The following UBE2U variants were observed in gnomAD, a reference collection of about 807,000 sequenced individuals.
The protein encoded by UBE2U is ubiquitin conjugating enzyme E2 U.
In UBE2U, 39 loss-of-function variants were observed where a neutral mutation model predicts 41.2. The ratio of observed to expected loss-of-function variants is 0.95; its 90% CI spans 0.73 to 1.24. UBE2U has a LOEUF of 1.24. Among genes scored for constraint, UBE2U ranks in the 50% most tolerant of loss-of-function variants. UBE2U has a pLI of 0.00. For missense variants in UBE2U, 336 were observed against 363.1 expected, an observed-to-expected ratio of 0.93 and a Z score of 0.61; for synonymous variants, 107 against 117.8, an observed-to-expected ratio of 0.91 and a Z score of 0.60.
intron 8 of UBE2U, among the ~76,000 whole-genome samples, chr1:64,254,557 C>G (rs546830081): frequency 1.3e-5 from 2 of 152,274 alleles, no homozygotes; most frequent in African/African-American, 4.8e-5. Context: ...AACAGACTTT[C>G]AGACCACAGC....
chr1:64,263,813 T>C (rs766521539), intron 9 of UBE2U, among the ~76,000 whole-genome samples: 4 of 152,176 alleles, frequency 2.6e-5, no homozygotes, highest in African/African-American at 4.8e-5. Flanking sequence ...TCCTCAGATA[T>C]GGCATTTTCA....
rs1042802963 is a variant in UBE2U, at chr1:64,234,954, A to C, written c.595+2305A>C. Among the ~76,000 whole-genome samples the C allele has an allele frequency of 3.3e-5, 5 of 152,282 alleles. No individual in the cohort carries two copies. In the East Asian group the frequency reaches 9.7e-4, roughly 29 times the overall value. On this transcript the variant is annotated intron_variant, in intron 7 of 9. Transcript: ENST00000371077. ...AGAGTCAAACTCCTTCCACCAAAAA[A>C]CAGATTGTTACAGGAGGGTGCTTTC...
chr1:64,264,354 C>T (rs1362501516), intron 9 of UBE2U, among the ~76,000 whole-genome samples: 3 of 152,178 alleles, frequency 2.0e-5, no homozygotes, highest in Non-Finnish European at 2.9e-5. Flanking sequence ...AAAATCCCCA[C>T]CTTTATTACT....
At chr1:64,258,049 A>G (rs1325344219) in intron 8 of UBE2U, among the ~76,000 whole-genome samples, 1 of 152,240 alleles carries the variant, frequency 6.6e-6, no homozygotes, top group Non-Finnish European at 1.5e-5. Context: ...AATGTCAGGA[A>G]CAAGGCAAGG....
chr1:64,214,846 C>T lies in UBE2U; in HGVS notation c.371C>T (p.Pro124Leu). 1 of 1,614,090 alleles carries T rather than the reference C, an allele frequency of 6.2e-7. No homozygotes were observed. The highest frequency in any genetic ancestry group is 8.5e-7 in the Non-Finnish European group (1 of 1,179,976). Reference protein sequence around the residue: ...VMLSNPVLENPVNLEAARILV... With the variant: ...VMLSNPVLENLVNLEAARILV... ...CTTTCTAATCCAGTGCTAGAGAATC[C>T]AGTGAATTTGGAAGCAGCCAGAATA... The change falls in exon 5 of 10, where the codon CCA (proline) becomes CTA (leucine). Residue 124 changes from proline to leucine, a missense_variant. Coordinates refer to ENST00000371077, the MANE Select transcript of UBE2U (RefSeq NM_001366232.2).
intron 3 of UBE2U, among the ~76,000 whole-genome samples, chr1:64,209,058 C>T (rs112602687): frequency 2.6e-5 from 4 of 152,260 alleles, no homozygotes; most frequent in African/African-American, 7.2e-5. Flanking sequence ...GGCAGGGGAA[C>T]ATTCATATTT....
intron 7 of UBE2U, among the ~76,000 whole-genome samples, chr1:64,239,157 A>AAGAAGAAGAAGAAAAGAAGAAGAAG: frequency 5.4e-5 from 2 of 37,064 alleles, no homozygotes; most frequent in Non-Finnish European, 1.2e-4. Context: ...GAAGAAGAAG[A>AAGAAGAAGAAGAAAAGAAGAAGAAG]AAGAAGAAGA....
chr1:64,205,080 G>A (rs1651210103), intron 1 of UBE2U, among the ~76,000 whole-genome samples: 1 of 152,114 alleles, frequency 6.6e-6, no homozygotes, highest in Non-Finnish European at 1.5e-5. Context: ...GCTCAGAAGT[G>A]TTTTTATGTG....
rs1651122879 is a variant in UBE2U, at chr1:64,203,847, C to CTCGT, written c.-202_-199dup. ...TGCCCAAGTCTTCCTTCGGGAAGTT[C>CTCGT]TCGTTTAGAGGAGTCAGGAGAAAAA... On this transcript the variant is annotated 5_prime_UTR_variant, in exon 1 of 10. It removes the in-frame stop codon of an upstream open reading frame in the 5' UTR. Coordinates refer to ENST00000371077, the MANE Select transcript of UBE2U (RefSeq NM_001366232.2). 1.2e-5 allele frequency: 5 copies of CTCGT among 425,368 alleles called. No homozygotes were observed. Among genetic ancestry groups the CTCGT allele is most frequent in the Non-Finnish European group, 2.1e-5 (5 of 238,248 alleles). The allele number at this position is 425,368 out of a possible 1,614,324, so 26.3% of individuals were successfully genotyped here.
chr1:64,205,484 C>T (rs1210317787), intron 1 of UBE2U, among the ~76,000 whole-genome samples, 155 bp from the exon 2 acceptor site: 1 of 152,108 alleles, frequency 6.6e-6, no homozygotes, highest in Non-Finnish European at 1.5e-5. Flanking sequence ...TGAAATAAGA[C>T]ATGTAACACT....
rs1570157729 is a variant in UBE2U, at chr1:64,260,697, A to G, written c.769+3A>G. ...AATTAAGCTCTGCCCAACTCTAAGT[A>G]AATCGATTCACTCTATTTGTTTTGC... On this transcript the variant is annotated splice_donor_region_variant and intron_variant, in intron 9 of 9. Coordinates refer to ENST00000371077, the MANE Select transcript of UBE2U (RefSeq NM_001366232.2). 3.2e-6 allele frequency: 5 copies of G among 1,545,788 alleles called. No individual in the cohort carries two copies. The East Asian group carries it at 9.8e-5, about 30-fold the overall frequency.
At chr1:64,205,258 C>T in intron 1 of UBE2U, among the ~76,000 whole-genome samples, 1 of 152,138 alleles carries the variant, frequency 6.6e-6, no homozygotes. Flanking sequence ...TTTCATATAG[C>T]ATTCATATAG....
chr1:64,233,977 C>T (rs1394657944), intron 7 of UBE2U, among the ~76,000 whole-genome samples: 2 of 152,172 alleles, frequency 1.3e-5, no homozygotes, highest in Non-Finnish European at 2.9e-5. Flanking sequence ...TTTTCATCTC[C>T]CTTCCTAAGC....
At chr1:64,227,900 T>G (rs567297941) in intron 6 of UBE2U, among the ~76,000 whole-genome samples, 1 of 152,276 alleles carries the variant, frequency 6.6e-6, no homozygotes, top group Non-Finnish European at 1.5e-5. Context: ...CACAAATATT[T>G]CTGAGAGAAA....
intron 1 of UBE2U, among the ~76,000 whole-genome samples, chr1:64,204,703 T>C (rs1651180247): frequency 6.6e-6 from 1 of 152,156 alleles, no homozygotes; most frequent in African/African-American, 2.4e-5. Context: ...CACAGGCTGA[T>C]TTACGGAAAA....
Position 64,204,055 on chromosome 1 carries a change from A to G in UBE2U, c.5A>G (p.His2Arg). The G allele has an allele frequency of 6.2e-7, 1 of 1,613,722 alleles. No individual in the cohort carries two copies. The highest frequency in any genetic ancestry group is 8.5e-7 in the Non-Finnish European group (1 of 1,179,760). ...TCAGACCCTCCGCTGCCTATCATGC[A>G]CGGCAGAGCTTACCTCTTGCTGCAC... The part of the protein sequence containing the change: M[H>R]GRAYLLLHRD... Residue 2 changes from histidine (H) to arginine (R), a missense_variant, in exon 1 of 10, where the codon CAC becomes CGC. His to Arg is a conservative substitution (Grantham distance 29, BLOSUM62 0). Coordinates refer to ENST00000371077, the MANE Select transcript of UBE2U (RefSeq NM_001366232.2).
At chr1:64,240,861 C>G (rs1644823594) in intron 7 of UBE2U, among the ~76,000 whole-genome samples, 1 of 152,088 alleles carries the variant, frequency 6.6e-6, no homozygotes, top group South Asian at 2.1e-4. Flanking sequence ...TACTGAGTAG[C>G]TGGGATTACG....
chr1:64,208,458 A>T (rs916807892), intron 3 of UBE2U, among the ~76,000 whole-genome samples: 6 of 151,912 alleles, frequency 3.9e-5, no homozygotes, highest in African/African-American at 1.5e-4. Flanking sequence ...TAAAAAAATT[A>T]GCTTGGCATG....
At chr1:64,217,352 G>GGAGGAAGGTCTGGAGACAATGTATCAGA (rs1553166592) in intron 5 of UBE2U, among the ~76,000 whole-genome samples, 2 of 152,148 alleles carry the variant, frequency 1.3e-5, no homozygotes, top group African/African-American at 2.4e-5. Context: ...AAAACTCAGA[G>GGAGGAAGGTCTGGAGACAATGTATCAGA]GAGGAAGGTC....
Sources: gnomAD v4.1 joint callset for allele counts (sites outside exome capture counted in the v4.1 genomes callset) on GRCh38, gnomAD v4.1.1 for gene constraint, MANE v1.5 for transcripts, NCBI Gene and HGNC (gene_info 2026-07-23, HGNC 2026-07-21) for gene names.